Variants in TRIM66 observed in about 807,000 individuals in gnomAD.
The protein encoded by TRIM66 is tripartite motif-containing protein 66.
TRIM66 carries 99 observed loss-of-function variants against 148.2 expected under a neutral mutation model. The ratio of observed to expected loss-of-function variants is 0.67; its 90% CI spans 0.57 to 0.79. The LOEUF (loss-of-function observed/expected upper bound fraction) is 0.79. TRIM66 is among the 30% of genes least tolerant of loss of function. TRIM66 has a pLI of 0.00. For synonymous variants in TRIM66, 616 were observed against 635.9 expected, an observed-to-expected ratio of 0.97 and a Z score of 0.47; for missense variants, 1,666 against 1,697.9, an observed-to-expected ratio of 0.98 and a Z score of 0.33.
At chr11:8,677,037 A>G (rs1365506704) in intron 3 of TRIM66, among the ~76,000 whole-genome samples, 1 of 152,244 alleles carries the variant, frequency 6.6e-6, no homozygotes, top group East Asian at 1.9e-4. Flanking sequence ...ATATCTAAGA[A>G]AAGGAAAATA....
At chr11:8,677,757 T>C (rs2039245132) in intron 3 of TRIM66, among the ~76,000 whole-genome samples, 1 of 152,228 alleles carries the variant, frequency 6.6e-6, no homozygotes, top group Non-Finnish European at 1.5e-5. Flanking sequence ...TCAAAGACTC[T>C]AGAATTTCTC....
At chr11:8,632,781 G>C (rs1048594250) in intron 15 of TRIM66, among the ~76,000 whole-genome samples, 1 of 152,116 alleles carries the variant, frequency 6.6e-6, no homozygotes, top group Admixed American at 6.6e-5. Flanking sequence ...ATTTTTAATG[G>C]CAAAGTTGTT....
At chr11:8,623,843 C>T (rs1176757976) in intron 17 of TRIM66, among the ~76,000 whole-genome samples, 1 of 152,180 alleles carries the variant, frequency 6.6e-6, no homozygotes, top group East Asian at 1.9e-4. Flanking sequence ...ATCCTTACTA[C>T]TCAGAGGAAG....
Position 8,620,102 on chromosome 11 carries a change from G to T in TRIM66, c.3695C>A (p.Ser1232Tyr). The T allele has an allele frequency of 6.4e-7, 1 of 1,551,698 alleles. No individual in the cohort carries two copies. The highest frequency in any genetic ancestry group is 1.2e-5 in the South Asian group (1 of 84,062). ...DQKKCEKLVL[S>Y]LCCNNLSLPF... The stretch of plus-strand genomic sequence containing the variant: ...CAGGCTGAGGTTATTGCAGCACAAG[G>T]ACAATACCAGCTTCTCACACTTCTG... Residue 1232 changes from serine (S) to tyrosine (Y), a missense_variant, in exon 22 of 25, where the codon TCC (serine) becomes TAC (tyrosine). This residue lies in a region of TRIM66 where 204 missense variants were observed against 231.0 expected (regional missense o/e 0.88). Coordinates refer to ENST00000646038, the MANE Select transcript of TRIM66 (RefSeq NM_001388022.1).
chr11:8,648,687 T>C, intron 8 of TRIM66, 139 bp from the exon 9 acceptor site: 2 of 1,090,020 alleles, frequency 1.8e-6, no homozygotes, highest in Non-Finnish European at 1.3e-6. Flanking sequence ...AAACAGGAGA[T>C]GACTCTCCAG....
chr11:8,655,294 G>A (rs1264365443), intron 6 of TRIM66, among the ~76,000 whole-genome samples: 2 of 152,170 alleles, frequency 1.3e-5, no homozygotes, highest in African/African-American at 2.4e-5. Flanking sequence ...GCAGAGGTGT[G>A]GGGCTTGGGA....
rs763517933 is a variant in TRIM66 at position 8,621,286 on chromosome 11, G to C, written c.3291C>G (p.Ala1097=). The C allele has an allele frequency of 3.9e-6, 6 of 1,551,514 alleles. No individual in the cohort carries two copies. Among genetic ancestry groups the C allele is most frequent in the Admixed American group, 2.0e-5 (1 of 50,976 alleles). Reference sequence around the variant, plus strand: ...TGACCTTTCTTCCCTCCAGACCTGGGGCCTGGGTGGCCTCAGACAGTCTGT... The same window carrying C: ...TGACCTTTCTTCCCTCCAGACCTGGCGCCTGGGTGGCCTCAGACAGTCTGT... ...SQDRLSEATQ[A]PGLEGRKVTV... is the part of the protein sequence containing the mutation. Residue 1097 remains alanine (A), a synonymous_variant, in exon 20 of 25, where the codon GCC becomes GCG. Coordinates refer to ENST00000646038, the MANE Select transcript of TRIM66 (RefSeq NM_001388022.1).
intron 11 of TRIM66, among the ~76,000 whole-genome samples, 182 bp downstream of exon 11, chr11:8,646,265 T>C (rs1052678507): frequency 7.2e-5 from 11 of 152,148 alleles, no homozygotes; most frequent in African/African-American, 2.7e-4. Context: ...TTGAACTGAT[T>C]TTCTAGCCCT....
Position 8,628,636 on chromosome 11 carries a change from A to AAAAAAAAAAAAAAAAAAAAAAAGAGAGAG in TRIM66, c.2311-3409_2311-3408insCTCTCTCTTTTTTTTTTTTTTTTTTTTTT, listed in dbSNP as rs1555042270. On this transcript the variant is annotated intron_variant, in intron 15 of 24. Coordinates refer to ENST00000646038, the MANE Select transcript of TRIM66 (RefSeq NM_001388022.1). The stretch of plus-strand genomic sequence containing the variant: ...TCAAAAAAAAAAAAAAAAAAAAAAA[A>AAAAAAAAAAAAAAAAAAAAAAAGAGAGAG]AGAGAGAGAATCCAGATCTTTGGTA... 3.9e-4 allele frequency among the ~76,000 whole-genome samples: 36 copies of AAAAAAAAAAAAAAAAAAAAAAAGAGAGAG among 93,344 alleles called. 1 individual carries two copies. Among genetic ancestry groups the AAAAAAAAAAAAAAAAAAAAAAAGAGAGAG allele is most frequent in the East Asian group, 1.1e-3 (4 of 3,620 alleles). The allele number at this position is 93,344 out of a possible 152,430, so 61.2% of individuals were successfully genotyped here.
chr11:8,663,930 TAA>T (rs1464915956), intron 6 of TRIM66, among the ~76,000 whole-genome samples: 2 of 152,124 alleles, frequency 1.3e-5, no homozygotes, highest in East Asian at 3.9e-4. Flanking sequence ...ACTGATCTCA[TAA>T]AAGCGGAGAG....
intron 12 of TRIM66, 68 bp from the exon 13 acceptor site, chr11:8,643,194 C>G (rs1303270934): frequency 7.4e-6 from 10 of 1,352,106 alleles, no homozygotes; most frequent in Non-Finnish European, 7.1e-6. Context: ...CCTTCCCTTA[C>G]TCTTTGGACA....
At chr11:8,671,234 T>TGTGACA (rs142698387) in intron 6 of TRIM66, among the ~76,000 whole-genome samples, 189 of 152,376 alleles carry the variant, frequency 1.2e-3, no homozygotes, top group African/African-American at 4.4e-3. Context: ...ACTGTACCTC[T>TGTGACA]GTGACATGTC....
intron 13 of TRIM66, among the ~76,000 whole-genome samples, chr11:8,641,386 A>G (rs950778108): frequency 7.2e-5 from 11 of 152,138 alleles, no homozygotes; most frequent in African/African-American, 2.7e-4. Flanking sequence ...CTTTTACCAG[A>G]TGCTCAGCCC....
chr11:8,658,882 C>G (rs1404973852), intron 6 of TRIM66: 1 of 847,940 alleles, frequency 1.2e-6, no homozygotes, highest in African/African-American at 1.8e-5. Context: ...AAGTCCTTAT[C>G]CTGTGACGTC....
At chr11:8,681,991 G>T (rs2039454779) in intron 1 of TRIM66, among the ~76,000 whole-genome samples, 1 of 151,948 alleles carries the variant, frequency 6.6e-6, no homozygotes, top group Non-Finnish European at 1.5e-5. Flanking sequence ...TGAACTACTC[G>T]CCTCAAGAAA....
intron 15 of TRIM66, among the ~76,000 whole-genome samples, chr11:8,636,574 A>G (rs951085077): frequency 6.6e-6 from 1 of 152,018 alleles, no homozygotes; most frequent in Admixed American, 6.5e-5. Flanking sequence ...ATGGGAAAAC[A>G]CCTGGGTGTT....
chr11:8,639,329 T>C (rs1451593439), intron 14 of TRIM66, among the ~76,000 whole-genome samples: 1 of 151,978 alleles, frequency 6.6e-6, no homozygotes, highest in Non-Finnish European at 1.5e-5. Flanking sequence ...ATAGAAAAAG[T>C]GAGAGAAGGG....
At chr11:8,668,395 C>G (rs1382741904) in intron 6 of TRIM66, among the ~76,000 whole-genome samples, 1 of 151,614 alleles carries the variant, frequency 6.6e-6, no homozygotes, top group African/African-American at 2.4e-5. Context: ...CATGGGTTGA[C>G]TGAGTAGTTC....
chr11:8,621,561 C>T, intron 19 of TRIM66, 84 bp downstream of exon 19: 1 of 1,443,330 alleles, frequency 6.9e-7, no homozygotes, highest in South Asian at 1.5e-5. Flanking sequence ...GGAAAGGTCC[C>T]AGAGTCAGAA....
Sources: allele counts gnomAD v4.1 joint callset (sites outside exome capture counted in the v4.1 genomes callset), GRCh38; gene constraint gnomAD v4.1.1; regional missense constraint gnomAD v4.1.1; transcripts MANE v1.5; gene names NCBI Gene and HGNC (gene_info 2026-07-23, HGNC 2026-07-21).